SATB2: variants seen among roughly 807,000 people sequenced by gnomAD.
The protein encoded by SATB2 is DNA-binding protein SATB2.
Under a neutral mutation model 73.4 loss-of-function variants are expected in SATB2, and 1 was observed. The ratio of observed to expected loss-of-function variants is 0.01; its 90% confidence interval spans 0.00 to 0.06. The LOEUF is 0.06. Ranked by LOEUF, SATB2 falls within the 10% of genes least tolerant of loss-of-function variation. SATB2 has a pLI of 1.00. For synonymous variants in SATB2, 397 were observed against 367.0 expected, an observed-to-expected ratio of 1.08 and a Z score of -0.93; for missense variants, 459 against 945.8, an observed-to-expected ratio of 0.49 and a Z score of 6.75.
At chr2:199,363,965 A>C (rs549293292) in intron 6 of SATB2, among the ~76,000 whole-genome samples, 1 of 152,336 alleles carries the variant, frequency 6.6e-6, no homozygotes, top group African/African-American at 2.4e-5. Flanking sequence ...TTAGGTAGAC[A>C]AAAGTAAGTT....
chr2:199,459,623 C>G (rs1487994381), upstream of SATB2: 1 of 152,822 alleles, frequency 6.5e-6, no homozygotes. The surrounding 1 kb of genome is among the most constrained non-coding windows in gnomAD (Gnocchi z 4.2). Flanking sequence ...CACACGTTGA[C>G]TCTCCCTCCT....
chr2:199,468,295 C>A (rs183113178), upstream of SATB2: 94 of 150,078 alleles, frequency 6.3e-4, 1 homozygote, highest in African/African-American at 2.2e-3. Flanking sequence ...TCCAGTATTT[C>A]GTTTCTTCCT....
intron 9 of SATB2, among the ~76,000 whole-genome samples, chr2:199,316,267 T>A (rs1221973491): frequency 6.6e-6 from 1 of 152,114 alleles, no homozygotes; most frequent in African/African-American, 2.4e-5. Flanking sequence ...AATAAGTGTC[T>A]ATTAAAATAA....
At chr2:199,465,669 T>C (rs1451361726), upstream of SATB2, among the ~76,000 whole-genome samples, 2 of 152,238 alleles carry the variant, frequency 1.3e-5, no homozygotes, top group African/African-American at 2.4e-5. Flanking sequence ...ACAAAGTCTC[T>C]GAAATATAAA....
At chr2:199,448,684 A>C (rs751883722) in intron 2 of SATB2, among the ~76,000 whole-genome samples, 2 of 152,158 alleles carry the variant, frequency 1.3e-5, no homozygotes, top group Non-Finnish European at 2.9e-5. Flanking sequence ...AAAGAAAGAC[A>C]CTGAGCTGCT....
intron 7 of SATB2, among the ~76,000 whole-genome samples, chr2:199,338,008 T>C (rs553267623): frequency 1.3e-5 from 2 of 152,166 alleles, no homozygotes; most frequent in Non-Finnish European, 2.9e-5. Context: ...ACTGTAAATA[T>C]AACATCACTC....
At chr2:199,284,136 T>C (rs1692614767) in intron 10 of SATB2, among the ~76,000 whole-genome samples, 1 of 152,260 alleles carries the variant, frequency 6.6e-6, no homozygotes, top group South Asian at 2.1e-4. Flanking sequence ...AAACTTGTAG[T>C]GGCCACCATA....
intron 3 of SATB2, among the ~76,000 whole-genome samples, chr2:199,424,910 C>T (rs1302052475): frequency 6.6e-6 from 1 of 152,160 alleles, no homozygotes; most frequent in Non-Finnish European, 1.5e-5. Flanking sequence ...AAAGTAACAG[C>T]ACTATTGAAA....
chr2:199,287,139 T>A (rs1692713611), intron 10 of SATB2, among the ~76,000 whole-genome samples: 1 of 152,212 alleles, frequency 6.6e-6, no homozygotes, highest in Non-Finnish European at 1.5e-5. Flanking sequence ...GCTGGCTCTA[T>A]AATTCTCAAG....
chr2:199,333,709 C>T (rs1165935764), intron 7 of SATB2, among the ~76,000 whole-genome samples: 5 of 152,034 alleles, frequency 3.3e-5, no homozygotes, highest in Admixed American at 2.0e-4. Context: ...AAACATTAAC[C>T]CCCAAAATGA....
chr2:199,408,336 A>G (rs1690699392), intron 3 of SATB2, among the ~76,000 whole-genome samples: 1 of 152,184 alleles, frequency 6.6e-6, no homozygotes, highest in Non-Finnish European at 1.5e-5. Flanking sequence ...GTATACACAT[A>G]ATTTTTGACC....
At chr2:199,386,850 TCTGTCTAGAGTA>T (rs1441402470) in intron 3 of SATB2, among the ~76,000 whole-genome samples, 1 of 152,090 alleles carries the variant, frequency 6.6e-6, no homozygotes, top group Non-Finnish European at 1.5e-5. Flanking sequence ...ACACTCTCAC[TCTGTCTAGAGTA>T]CTGATCCCCA....
upstream of SATB2, among the ~76,000 whole-genome samples, chr2:199,461,777 T>A (rs1318117243): frequency 6.6e-6 from 1 of 152,252 alleles, no homozygotes; most frequent in African/African-American, 2.4e-5. Context: ...GATCTTTATA[T>A]GCTAGTGTTA....
intron 7 of SATB2, among the ~76,000 whole-genome samples, chr2:199,345,825 T>C (rs867965782): frequency 1.3e-5 from 2 of 152,198 alleles, no homozygotes; most frequent in African/African-American, 4.8e-5. Flanking sequence ...AGCATATTCC[T>C]ACCTAAGACC....
At chr2:199,431,927 A>G (rs1691515706) in intron 3 of SATB2, among the ~76,000 whole-genome samples, 1 of 152,170 alleles carries the variant, frequency 6.6e-6, no homozygotes, top group Non-Finnish European at 1.5e-5. Context: ...TTGTGGGGGG[A>G]AGGGAAGGGA....
At chr2:199,411,745 A>G (rs1250520248) in intron 3 of SATB2, among the ~76,000 whole-genome samples, 1 of 152,220 alleles carries the variant, frequency 6.6e-6, no homozygotes, top group Non-Finnish European at 1.5e-5. Flanking sequence ...CTAGACTAGA[A>G]CAACTCACAG....
chr2:199,286,991 C>G (rs1692709070), intron 10 of SATB2, among the ~76,000 whole-genome samples: 1 of 152,124 alleles, frequency 6.6e-6, no homozygotes, highest in Admixed American at 6.6e-5. Flanking sequence ...TGACTTGGTA[C>G]CACACGATCC....
chr2:199,375,687 A>G (rs972390685), intron 5 of SATB2, among the ~76,000 whole-genome samples: 1 of 152,228 alleles, frequency 6.6e-6, no homozygotes, highest in Non-Finnish European at 1.5e-5. Context: ...AATTATTTCA[A>G]TAACAGGAAT....
intron 3 of SATB2, among the ~76,000 whole-genome samples, chr2:199,411,359 A>C (rs967416196): frequency 2.6e-5 from 4 of 152,168 alleles, no homozygotes; most frequent in African/African-American, 9.7e-5. Flanking sequence ...CCTTGCTTAT[A>C]TCTACCTTCA....
Sources: gnomAD v4.1 joint callset for allele counts (sites outside exome capture counted in the v4.1 genomes callset) on GRCh38, gnomAD v4.1.1 for gene constraint, Gnocchi (gnomAD v3.1) non-coding constraint, MANE v1.5 for transcripts, NCBI Gene and HGNC (gene_info 2026-07-23, HGNC 2026-07-21) for gene names.